Variants in USP6NL observed in about 807,000 individuals in gnomAD.
The protein encoded by USP6NL is USP6 N-terminal like, also known as USP6 N-terminal-like protein.
USP6NL carries 26 observed loss-of-function variants against 61.9 expected under a neutral mutation model. The observed-to-expected ratio is 0.42, with a 90% confidence interval of 0.31 to 0.58. The LOEUF (loss-of-function observed/expected upper bound fraction) is 0.58, where lower values mean the gene tolerates loss of function less well. USP6NL is among the 20% of genes least tolerant of loss of function. The pLI, the probability that USP6NL is intolerant of heterozygous loss-of-function variation, is 0.16. For missense variants in USP6NL, 1,114 were observed against 1,034.3 expected (o/e 1.08, Z -1.06); for synonymous variants, 432 against 390.1 (o/e 1.11, Z -1.27).
chr10:11,588,215 G>A (rs956475727), intron 2 of USP6NL, among the ~76,000 whole-genome samples: 3 of 152,220 alleles, frequency 2.0e-5, no homozygotes, highest in African/African-American at 7.2e-5. Flanking sequence ...AAAGAGACTG[G>A]ATGACAAAAG....
At chr10:11,580,054 C>T (rs894561197) in intron 2 of USP6NL, among the ~76,000 whole-genome samples, 16 of 150,378 alleles carry the variant, frequency 1.1e-4, no homozygotes, top group African/African-American at 3.2e-4. Flanking sequence ...CCAAAGATGC[C>T]GGTTAACATC....
rs2133497824 is a variant in USP6NL at position 11,553,548 on chromosome 10, A to G, written c.5-25981T>C. On this transcript the variant is annotated intron_variant, in intron 2 of 14. Coordinates refer to ENST00000609104, the MANE Select transcript of USP6NL (RefSeq NM_014688.5). This position sits in a 1 kb window ranked among gnomAD's most constrained non-coding sequence, Gnocchi z 4.8. ...TGGGAATATATACTTACATCCATTC[A>G]TTGAACCCTCACTCCATTCATCAAT... Among the ~76,000 whole-genome samples the G allele has an allele frequency of 6.6e-6, 1 of 152,318 alleles. No individual in the cohort carries two copies. Among genetic ancestry groups the G allele is most frequent in the Middle Eastern group, 3.4e-3 (1 of 294 alleles).
chr10:11,466,996 C>T (rs1456444210), intron 14 of USP6NL, among the ~76,000 whole-genome samples: 2 of 152,204 alleles, frequency 1.3e-5, no homozygotes, highest in Non-Finnish European at 2.9e-5. Context: ...GTTCAAAGTG[C>T]TTTACATTGA....
chr10:11,493,321 G>T, intron 7 of USP6NL, 93 bp from the exon 8 acceptor site: 2 of 1,142,020 alleles, frequency 1.8e-6, no homozygotes, highest in East Asian at 2.7e-5. Context: ...AAAAGTTTTT[G>T]GTTTAAAAAA....
rs1286803565 is a variant in USP6NL, at chr10:11,465,738, C to T, written c.1079-1889G>A. ...CCATGTTTCAGTCTGCATCAATTCTCAATTCTCAATTAATGAAAACTCAAT... is the reference window on the plus strand; with the variant it reads ...CCATGTTTCAGTCTGCATCAATTCTTAATTCTCAATTAATGAAAACTCAAT... On this transcript the variant is annotated intron_variant, in intron 14 of 14. Coordinates refer to ENST00000609104, the MANE Select transcript of USP6NL (RefSeq NM_014688.5). This position sits in a 1 kb window ranked among gnomAD's most constrained non-coding sequence, Gnocchi z 4.5. 6.6e-6 allele frequency among the ~76,000 whole-genome samples: 1 copy of T among 152,098 alleles called. No individual in the cohort carries two copies. Among genetic ancestry groups the T allele is most frequent in the East Asian group, 1.9e-4 (1 of 5,184 alleles).
chr10:11,501,205 G>A lies in USP6NL; in HGVS notation c.280C>T (p.His94Tyr). The part of the protein sequence containing the change: ...WEKYKNTEKF[H>Y]RRIYKGIPLQ... ...GGTATTCCTTTGTAAATTCGCCTAT[G>A]AAACTTATTAAAAGAAAAAGAAACT... Residue 94 changes from histidine to tyrosine, a missense_variant, in exon 7 of 15, where the codon CAT becomes TAT. Physicochemically the swap from His to Tyr is moderately conservative, Grantham distance 83. Coordinates refer to ENST00000609104, the MANE Select transcript of USP6NL (RefSeq NM_014688.5). The A allele has an allele frequency of 6.2e-7, 1 of 1,606,346 alleles. No homozygotes were observed.
In USP6NL at chr10:11,485,484, TAAC is replaced by T. The variant is rs1268103404; in HGVS notation, c.760-253_760-251del. Among the ~76,000 whole-genome samples the T allele has an allele frequency of 1.3e-5, 2 of 152,230 alleles. No individual in the cohort carries two copies. Among genetic ancestry groups the T allele is most frequent in the African/African-American group, 4.8e-5 (2 of 41,464 alleles). On this transcript the variant is annotated intron_variant, in intron 11 of 14. Coordinates refer to ENST00000609104, the MANE Select transcript of USP6NL (RefSeq NM_014688.5). This position sits in a 1 kb window ranked among gnomAD's most constrained non-coding sequence, Gnocchi z 4.8. ...ATAGTAAGGCATATATATAGTTCAC[TAAC>T]AACGAGTTTCTGTGACCCTGAAAAA... is the stretch of plus-strand genomic sequence containing the variant.
intron 2 of USP6NL, among the ~76,000 whole-genome samples, chr10:11,571,627 A>G (rs1237348182): frequency 6.6e-6 from 1 of 151,888 alleles, no homozygotes; most frequent in Non-Finnish European, 1.5e-5. Context: ...CCAAATTCAT[A>G]TCATATTTTA....
At chr10:11,516,852 C>G (rs1834979848) in intron 5 of USP6NL, among the ~76,000 whole-genome samples, 1 of 152,174 alleles carries the variant, frequency 6.6e-6, no homozygotes, top group Non-Finnish European at 1.5e-5. Flanking sequence ...ATAGGCACAT[C>G]TCTTAAAAAA....
intron 2 of USP6NL, among the ~76,000 whole-genome samples, chr10:11,531,393 G>A (rs1254465054): frequency 6.6e-6 from 1 of 151,934 alleles, no homozygotes; most frequent in Non-Finnish European, 1.5e-5. Context: ...TATGATCTCA[G>A]CTCACTGCAA....
rs553422964 is a variant in USP6NL at position 11,535,221 on chromosome 10, TG to T, written c.5-7655del. On this transcript the variant is annotated intron_variant, in intron 2 of 14. Transcript: ENST00000609104. Reference sequence around the variant, plus strand: ...TTCCATGTGGCAAATACTCAAGCTATGGTGGCCAGTTTCCAAGCTGCCAAAG... The same window carrying T: ...TTCCATGTGGCAAATACTCAAGCTATGTGGCCAGTTTCCAAGCTGCCAAAG... Among the ~76,000 whole-genome samples, 63 of 152,322 alleles carry T rather than the reference TG, an allele frequency of 4.1e-4. 1 individual carries two copies. In the South Asian group the frequency reaches 0.011, roughly 26 times the overall value.
At position 11,570,818 on chromosome 10, in the gene USP6NL, T is replaced by TA. The variant is rs151164686; in HGVS notation, c.4+26812dup. On this transcript the variant is annotated intron_variant, in intron 2 of 14. Transcript: ENST00000609104. ...GGAGCTTGGCCCTAGAGATGCAGGC[T>TA]AATGAGGACATTTGAAGGGAAAACG... 9.0e-3 allele frequency among the ~76,000 whole-genome samples: 1,375 copies of TA among 152,310 alleles called. 14 individuals carry two copies. Among genetic ancestry groups the TA allele is most frequent in the African/African-American group, 0.031 (1,287 of 41,564 alleles).
At position 11,481,960 on chromosome 10, in the gene USP6NL, T is replaced by C. The variant is rs754259189; in HGVS notation, c.926-38A>G. The C allele has an allele frequency of 1.2e-5, 19 of 1,560,978 alleles. No individual in the cohort carries two copies. The highest frequency in any genetic ancestry group is 3.8e-5 in the Admixed American group (2 of 52,330). On this transcript the variant is annotated intron_variant, in intron 13 of 14. Coordinates refer to ENST00000609104, the MANE Select transcript of USP6NL (RefSeq NM_014688.5). The surrounding 1 kb of genome is among the most constrained non-coding windows in gnomAD (Gnocchi z 4.4). ...AAGAGAAATGAAAATGCCAAGTCAA[T>C]AGCTACTTTAGGTAGGAAGATATTC...
At chr10:11,483,598 G>T (rs1833311925) in intron 13 of USP6NL, among the ~76,000 whole-genome samples, 2 of 19,498 alleles carry the variant, frequency 1.0e-4, no homozygotes, top group Admixed American at 4.2e-4. Flanking sequence ...GAGAGAGGGG[G>T]AGGGGGGAGG....
chr10:11,560,281 CT>C (rs1229610822), intron 2 of USP6NL, among the ~76,000 whole-genome samples: 1 of 152,082 alleles, frequency 6.6e-6, no homozygotes, highest in Non-Finnish European at 1.5e-5. Context: ...AAAACATGTA[CT>C]AATATTAAGC....
rs1033048468 is a variant in USP6NL, at chr10:11,589,717, G to A, written c.4+7914C>T. Among the ~76,000 whole-genome samples the A allele has an allele frequency of 6.6e-6, 1 of 152,036 alleles. No homozygotes were observed. The highest frequency in any genetic ancestry group is 1.5e-5 in the Non-Finnish European group (1 of 68,008). On this transcript the variant is annotated intron_variant, in intron 2 of 14. Transcript: ENST00000609104. The surrounding 1 kb of genome is among the most constrained non-coding windows in gnomAD (Gnocchi z 4.7). ...TCCACTCTTCTAACATCTAAAACAG[G>A]CAACTGTATTTTTAAAAAGACATTG...
At chr10:11,522,691 T>A (rs1835259685) in intron 4 of USP6NL, among the ~76,000 whole-genome samples, 1 of 152,242 alleles carries the variant, frequency 6.6e-6, no homozygotes, top group Non-Finnish European at 1.5e-5. Flanking sequence ...TAAAAAGCGG[T>A]GAGCTTAGCT....
rs34380932 is a variant in USP6NL, at chr10:11,562,261, CAAA to C, written c.5-34697_5-34695del. On this transcript the variant is annotated intron_variant, in intron 2 of 14. Coordinates refer to ENST00000609104, the MANE Select transcript of USP6NL (RefSeq NM_014688.5). This position sits in a 1 kb window ranked among gnomAD's most constrained non-coding sequence, Gnocchi z 4.8. The stretch of plus-strand genomic sequence containing the variant: ...TGGCGGACAGTGCAAGACTCCATCT[CAAA>C]AAAAAAAAAAAAAAATTGCATTCCC... 1.4e-3 allele frequency: 454 copies of C among 329,236 alleles called. No individual in the cohort carries two copies. The highest frequency in any genetic ancestry group is 1.6e-3 in the Middle Eastern group (1 of 608). The allele number at this position is 329,236 out of a possible 1,614,324, so 20.4% of individuals were successfully genotyped here.
chr10:11,608,733 C>T (rs1316479297), intron 1 of USP6NL, among the ~76,000 whole-genome samples: 1 of 152,174 alleles, frequency 6.6e-6, no homozygotes, highest in African/African-American at 2.4e-5. Context: ...ACAGAAGGCA[C>T]TCAAAAAATA....
Sources: gnomAD v4.1 joint callset for allele counts (sites outside exome capture counted in the v4.1 genomes callset) on GRCh38, gnomAD v4.1.1 for gene constraint, Gnocchi (gnomAD v3.1) non-coding constraint, MANE v1.5 for transcripts, NCBI Gene and HGNC (gene_info 2026-07-23, HGNC 2026-07-21) for gene names.